ENOX1: variants seen among roughly 807,000 people sequenced by gnomAD.
The protein encoded by ENOX1 is candidate growth-related and time keeping constitutive hydroquinone (NADH) oxidase.
ENOX1 carries 42 observed loss-of-function variants against 82.5 expected under a neutral mutation model. The ratio of observed to expected loss-of-function variants is 0.51; its 90% CI spans 0.40 to 0.66. The LOEUF is 0.66. Ranked by LOEUF, ENOX1 falls within the 30% of genes least tolerant of loss-of-function variation. The pLI, the probability that ENOX1 is intolerant of heterozygous loss-of-function variation, is 0.00. For synonymous variants in ENOX1, 271 were observed against 282.2 expected (o/e 0.96, Z 0.40); for missense variants, 608 against 811.6 (o/e 0.75, Z 3.05).
intron 8 of ENOX1, among the ~76,000 whole-genome samples, chr13:43,351,390 TTC>T: frequency 6.8e-6 from 1 of 146,462 alleles, no homozygotes; most frequent in African/African-American, 2.5e-5. Context: ...AGCAAAATAT[TTC>T]TTTTTATTTT....
rs536893132 is a variant in ENOX1, at chr13:43,479,159, G to C, written c.-75+4850C>G. ...GAGGCAGAAGGCAGAAGTGTTGAGG[G>C]GGATGGCAGGAGGTGAGGCCAAGGA... is the stretch of plus-strand genomic sequence containing the variant. On this transcript the variant is annotated intron_variant, in intron 3 of 16. Transcript: ENST00000690772. 7.8e-4 allele frequency among the ~76,000 whole-genome samples: 119 copies of C among 152,196 alleles called. 1 individual carries two copies. The highest frequency in any genetic ancestry group is 2.7e-3 in the African/African-American group (112 of 41,522).
At chr13:43,741,503 T>G (rs189218971) in intron 1 of ENOX1, among the ~76,000 whole-genome samples, 2 of 152,212 alleles carry the variant, frequency 1.3e-5, no homozygotes, top group Admixed American at 6.5e-5. Context: ...TATCTCATAG[T>G]GGTTTTGATT....
chr13:43,401,173 A>T (rs1481441484), intron 5 of ENOX1, among the ~76,000 whole-genome samples: 1 of 152,222 alleles, frequency 6.6e-6, no homozygotes, highest in African/African-American at 2.4e-5. Flanking sequence ...TCATAGCCCC[A>T]GATCTTTAAC....
At chr13:43,422,780 C>T (rs915546203) in intron 3 of ENOX1, among the ~76,000 whole-genome samples, 4 of 152,072 alleles carry the variant, frequency 2.6e-5, no homozygotes, top group African/African-American at 4.8e-5. Flanking sequence ...AAATATCACT[C>T]GGCATTACAA....
chr13:43,387,442 G>A (rs2052488126), intron 5 of ENOX1, among the ~76,000 whole-genome samples: 1 of 152,142 alleles, frequency 6.6e-6, no homozygotes, highest in Non-Finnish European at 1.5e-5. Flanking sequence ...TGTTTCAGAA[G>A]TAAAAGGAGG....
chr13:43,229,534 G>A (rs1341535109), intron 15 of ENOX1, among the ~76,000 whole-genome samples: 2 of 152,218 alleles, frequency 1.3e-5, no homozygotes, highest in African/African-American at 2.4e-5. Flanking sequence ...AGGGGAAAGA[G>A]TTTGGATTAG....
chr13:43,626,637 A>G (rs2082976264), intron 2 of ENOX1, among the ~76,000 whole-genome samples: 1 of 151,846 alleles, frequency 6.6e-6, no homozygotes, highest in Non-Finnish European at 1.5e-5. Flanking sequence ...AGCTTGATTT[A>G]TTTGGATCAG....
At chr13:43,572,769 C>T (rs190043637) in intron 2 of ENOX1, among the ~76,000 whole-genome samples, 3 of 152,308 alleles carry the variant, frequency 2.0e-5, no homozygotes, top group Non-Finnish European at 4.4e-5. Flanking sequence ...TTGTGATTCA[C>T]AAGGGCATAG....
intron 2 of ENOX1, among the ~76,000 whole-genome samples, chr13:43,485,515 A>G (rs1386708808): frequency 6.6e-6 from 1 of 152,240 alleles, no homozygotes; most frequent in East Asian, 1.9e-4. Context: ...TCAGTCATGA[A>G]TAAAGAAACA....
At chr13:43,285,758 C>T (rs1252859119) in intron 12 of ENOX1, among the ~76,000 whole-genome samples, 1 of 140,158 alleles carries the variant, frequency 7.1e-6, no homozygotes, top group Admixed American at 7.9e-5. Context: ...TGCACTGAGC[C>T]GAGATTGCGC....
intron 1 of ENOX1, among the ~76,000 whole-genome samples, chr13:43,784,045 A>G (rs1466383451): frequency 6.6e-6 from 1 of 152,182 alleles, no homozygotes; most frequent in Non-Finnish European, 1.5e-5. Context: ...CTATTGGCCA[A>G]TTCTACTGGT....
chr13:43,527,363 G>T (rs958918703), intron 2 of ENOX1, among the ~76,000 whole-genome samples: 1 of 152,010 alleles, frequency 6.6e-6, no homozygotes, highest in Non-Finnish European at 1.5e-5. Context: ...AGGCAGCTGT[G>T]GTCACTTGAT....
chr13:43,393,442 T>C (rs1432989147), intron 5 of ENOX1, among the ~76,000 whole-genome samples: 4 of 152,224 alleles, frequency 2.6e-5, no homozygotes, highest in African/African-American at 9.6e-5. Flanking sequence ...ATTTATTGAA[T>C]ATCAATGCAT....
chr13:43,731,080 G>A (rs965944692), intron 1 of ENOX1, among the ~76,000 whole-genome samples: 1 of 152,116 alleles, frequency 6.6e-6, no homozygotes, highest in African/African-American at 2.4e-5. Context: ...AATGTCTACT[G>A]AATGAATAAA....
intron 1 of ENOX1, among the ~76,000 whole-genome samples, chr13:43,753,436 C>A (rs1162782811): frequency 6.6e-6 from 1 of 152,072 alleles, no homozygotes; most frequent in Non-Finnish European, 1.5e-5. Flanking sequence ...TTGTAAATGG[C>A]ATTTTTGTTT....
chr13:43,396,130 G>A (rs1198047460), intron 5 of ENOX1, among the ~76,000 whole-genome samples: 1 of 152,058 alleles, frequency 6.6e-6, no homozygotes, highest in South Asian at 2.1e-4. Flanking sequence ...ATTCATTTTC[G>A]TGTTTATCCT....
At chr13:43,621,915 T>C (rs1035317633) in intron 2 of ENOX1, among the ~76,000 whole-genome samples, 2 of 152,326 alleles carry the variant, frequency 1.3e-5, no homozygotes, top group African/African-American at 4.8e-5. Flanking sequence ...TCATTTAACA[T>C]AACCCCAGAC....
intron 2 of ENOX1, among the ~76,000 whole-genome samples, chr13:43,539,303 C>T (rs886821579): frequency 6.6e-6 from 1 of 152,094 alleles, no homozygotes; most frequent in African/African-American, 2.4e-5. Flanking sequence ...AACATATGCA[C>T]TTAAGGCTAT....
chr13:43,653,199 T>C (rs1012536323), intron 2 of ENOX1, among the ~76,000 whole-genome samples: 1 of 152,216 alleles, frequency 6.6e-6, no homozygotes, highest in Admixed American at 6.5e-5. Flanking sequence ...TGGACTGCAG[T>C]AGGCTGCAAT....
Sources: allele counts gnomAD v4.1 joint callset (sites outside exome capture counted in the v4.1 genomes callset), GRCh38; gene constraint gnomAD v4.1.1; transcripts MANE v1.5; gene names NCBI Gene and HGNC (gene_info 2026-07-23, HGNC 2026-07-21).